Variants in PI4KA observed in about 807,000 individuals in gnomAD.
The protein encoded by PI4KA is phosphatidylinositol 4-kinase alpha.
A neutral mutation model predicts 271.4 loss-of-function variants in PI4KA; 122 were observed. The observed-to-expected ratio is 0.45, with a 90% CI of 0.39 to 0.52. The LOEUF is 0.52. Among genes scored for constraint, PI4KA ranks in the 20% least tolerant of loss-of-function variants. The probability of loss-of-function intolerance (pLI) is 0.00; values close to 1 mark genes in which losing one functional copy is unlikely to be tolerated. For missense variants in PI4KA, 1,969 were observed against 2,769.1 expected (o/e 0.71, Z 6.48); for synonymous variants, 1,041 against 1,078.8 (o/e 0.96, Z 0.69).
intron 23 of PI4KA, among the ~76,000 whole-genome samples, chr22:20,754,152 T>C (rs923593960): frequency 2.0e-5 from 3 of 152,160 alleles, no homozygotes; most frequent in Admixed American, 1.3e-4. Flanking sequence ...AATGGTGAGA[T>C]CATAGCTCAG....
At chr22:20,777,744 C>G (rs988815028) in intron 19 of PI4KA, among the ~76,000 whole-genome samples, 3 of 152,180 alleles carry the variant, frequency 2.0e-5, no homozygotes, top group Admixed American at 2.0e-4. Context: ...CCTGGCAAAA[C>G]ATGGAATCAT....
chr22:20,717,155 A>G lies in PI4KA; in HGVS notation c.5317+553T>C, dbSNP rs564679049. Among the ~76,000 whole-genome samples the G allele has an allele frequency of 6.6e-5, 10 of 152,348 alleles. 1 individual carries two copies. The highest frequency in any genetic ancestry group is 2.4e-4 in the African/African-American group (10 of 41,576). The stretch of plus-strand genomic sequence containing the variant: ...CAGCTACTCGGGAGGCTGAGGCGAC[A>G]CAGCGAAACTCCATCTCAAAAAAAC... On this transcript the variant is annotated intron_variant, in intron 45 of 54. Coordinates refer to ENST00000255882, the MANE Select transcript of PI4KA (RefSeq NM_058004.4).
chr22:20,777,490 T>A (rs1415410981), intron 19 of PI4KA, among the ~76,000 whole-genome samples: 1 of 152,170 alleles, frequency 6.6e-6, no homozygotes, highest in Non-Finnish European at 1.5e-5. Flanking sequence ...AGTGCTGGGA[T>A]TACTGACCTG....
Position 20,818,559 on chromosome 22 carries a change from A to G in PI4KA, c.790-10T>C, listed in dbSNP as rs373452888. The G allele has an allele frequency of 3.3e-4, 499 of 1,530,088 alleles. 1 individual carries two copies. Among genetic ancestry groups the G allele is most frequent in the Non-Finnish European group, 4.1e-4 (473 of 1,148,788 alleles). The allele number at this position is 1,530,088 out of a possible 1,614,324, so 94.8% of individuals were successfully genotyped here. A position where few individuals can be genotyped will look rare whatever the true frequency, so the allele number is the denominator to read the frequency against. Reference sequence around the variant, plus strand: ...CGCGTTCAGGGCTGACCTGAAACACACAACCACAGTTACATATCAGAAAAG... The same window carrying G: ...CGCGTTCAGGGCTGACCTGAAACACGCAACCACAGTTACATATCAGAAAAG... On this transcript the variant is annotated splice_polypyrimidine_tract_variant and intron_variant, in intron 6 of 54. Coordinates refer to ENST00000255882, the MANE Select transcript of PI4KA (RefSeq NM_058004.4).
At chr22:20,828,604 G>A (rs1396425617) in intron 3 of PI4KA, among the ~76,000 whole-genome samples, 1 of 152,046 alleles carries the variant, frequency 6.6e-6, no homozygotes, top group Non-Finnish European at 1.5e-5. Flanking sequence ...TGCCAGATTG[G>A]AGTGCGGTGG....
At position 20,798,647 on chromosome 22, in the gene PI4KA, A is replaced by T; in HGVS notation, c.2045T>A (p.Ile682Asn). 1 of 1,613,920 alleles carries T rather than the reference A, an allele frequency of 6.2e-7. No homozygotes were observed. The highest frequency in any genetic ancestry group is 8.5e-7 in the Non-Finnish European group (1 of 1,179,798). The part of the protein sequence containing the change: ...YQEVWNLFQQ[I>N]SVKASSVVYS... ...TACAACGGAGCTGGCCTTCACACTG[A>T]TCTGCTGGAAGAGGTTCCACACTTC... is the stretch of plus-strand genomic sequence containing the variant. The change falls in exon 17 of 55, where the codon ATC (isoleucine) becomes AAC (asparagine). Residue 682 changes from isoleucine (I) to asparagine (N), a missense_variant. By Grantham distance (149) the Ile-to-Asn change is moderately radical. Around this residue, in one of 13 missense-constraint regions of PI4KA, gnomAD observed 368 missense variants for 544.3 expected, o/e 0.68. Coordinates refer to ENST00000255882, the MANE Select transcript of PI4KA (RefSeq NM_058004.4).
chr22:20,787,638 C>T (rs192316527), intron 19 of PI4KA: 1 of 169,436 alleles, frequency 5.9e-6, no homozygotes, highest in Admixed American at 5.4e-5. Context: ...GTCCCTCCTG[C>T]TGTTGCCTCC....
intron 27 of PI4KA, among the ~76,000 whole-genome samples, chr22:20,750,707 C>T (rs1028361410): frequency 1.3e-5 from 2 of 152,232 alleles, no homozygotes; most frequent in Non-Finnish European, 2.9e-5. Context: ...CCATTGACAG[C>T]TGGTCTGGCA....
In PI4KA at chr22:20,758,456, T is replaced by C. The variant is rs954849962; in HGVS notation, c.2791+2848A>G. Among the ~76,000 whole-genome samples, 3 of 129,836 alleles carry C rather than the reference T, an allele frequency of 2.3e-5. No individual in the cohort carries two copies. In the Admixed American group the frequency reaches 2.5e-4, roughly 11 times the overall value. The allele number at this position is 129,836 out of a possible 152,430, so 85.2% of individuals were successfully genotyped here. A position where few individuals can be genotyped will look rare whatever the true frequency, so the allele number is the denominator to read the frequency against. On this transcript the variant is annotated intron_variant, in intron 23 of 54. Transcript: ENST00000255882. ...TTTTTTGTGTGTGATTTTTCTTTCTTTTCTTTTTTTTTTTTTTTTTTGCTC... is the reference window on the plus strand; with the variant it reads ...TTTTTTGTGTGTGATTTTTCTTTCTCTTCTTTTTTTTTTTTTTTTTTGCTC...
intron 3 of PI4KA, among the ~76,000 whole-genome samples, chr22:20,831,212 C>T (rs942232384): frequency 5.3e-5 from 8 of 151,880 alleles, no homozygotes; most frequent in Admixed American, 5.2e-4. Flanking sequence ...TTCTCCTTCA[C>T]TCATAAAGCT....
intron 44 of PI4KA, among the ~76,000 whole-genome samples, chr22:20,718,227 G>A (rs1926262047): frequency 6.6e-6 from 1 of 152,196 alleles, no homozygotes; most frequent in Non-Finnish European, 1.5e-5. Flanking sequence ...ATGACTCCAG[G>A]GTTTCATCCC....
At chr22:20,716,754 T>C (rs1176948702) in intron 45 of PI4KA, among the ~76,000 whole-genome samples, 6 of 152,204 alleles carry the variant, frequency 3.9e-5, no homozygotes, top group Non-Finnish European at 5.9e-5. Flanking sequence ...AGTTGTGGCC[T>C]TCCCGATGCG....
chr22:20,809,822 G>A (rs75979051), intron 9 of PI4KA, among the ~76,000 whole-genome samples: 44 of 152,270 alleles, frequency 2.9e-4, no homozygotes, highest in African/African-American at 9.9e-4. Flanking sequence ...ACTTAACCAA[G>A]AACCAACCCA....
In PI4KA at chr22:20,784,295, G is replaced by A. The variant is rs1036280911; in HGVS notation, c.2328+8898C>T. The A allele has an allele frequency of 3.7e-6, 6 of 1,609,550 alleles. 1 individual carries two copies. Among genetic ancestry groups the A allele is most frequent in the Non-Finnish European group, 5.1e-6 (6 of 1,176,116 alleles). On this transcript the variant is annotated intron_variant, in intron 19 of 54. Coordinates refer to ENST00000255882, the MANE Select transcript of PI4KA (RefSeq NM_058004.4). ...TTTTGAGCTCCCAGATGCTGGGGGT[G>A]TCTGGGAATACTGGAAAATGGATCA...
In PI4KA at chr22:20,721,352, T is replaced by C; in HGVS notation, c.5062A>G (p.Ile1688Val). ...TAAATGTTAGTCTTCATGTTCCAGA[T>C]GAACTGGTGTGCCAGAAGCTGGGAT... is the stretch of plus-strand genomic sequence containing the variant. ...SKSQLLAHQF[I>V]WNMKTNIYLD... is the part of the protein sequence containing the mutation. The change falls in exon 43 of 55, where the codon ATC becomes GTC. Residue 1688 changes from isoleucine (I) to valine (V), a missense_variant. Transcript: ENST00000255882. 6.2e-7 allele frequency: 1 copy of C among 1,613,894 alleles called. No homozygotes were observed. Among genetic ancestry groups the C allele is most frequent in the Non-Finnish European group, 8.5e-7 (1 of 1,179,828 alleles).
chr22:20,776,043 T>C (rs178032), intron 19 of PI4KA, among the ~76,000 whole-genome samples: 74,050 of 151,974 alleles, frequency 0.49, 18,566 homozygotes, highest in African/African-American at 0.59. Context: ...TTCTAGAGGC[T>C]GAGCATGGTA....
chr22:20,818,416 G>T, intron 7 of PI4KA, 67 bp downstream of exon 7: 1 of 1,218,158 alleles, frequency 8.2e-7, no homozygotes. Flanking sequence ...TTAATATCAC[G>T]AGAAGTCACT....
chr22:20,733,605 G>A, intron 35 of PI4KA, 131 bp downstream of exon 35: 1 of 1,401,926 alleles, frequency 7.1e-7, no homozygotes, highest in Non-Finnish European at 9.7e-7. Flanking sequence ...GGATACTGAA[G>A]GAGGAGGTTG....
At chr22:20,724,597 C>G (rs117928404) in intron 42 of PI4KA, among the ~76,000 whole-genome samples, 1 of 152,118 alleles carries the variant, frequency 6.6e-6, no homozygotes, top group African/African-American at 2.4e-5. Flanking sequence ...CAGAGCGAGA[C>G]TCTGTCTAAA....
Sources: gnomAD v4.1 joint callset for allele counts (sites outside exome capture counted in the v4.1 genomes callset) on GRCh38, gnomAD v4.1.1 for gene constraint, gnomAD v4.1.1 regional missense constraint, MANE v1.5 for transcripts, NCBI Gene and HGNC (gene_info 2026-07-23, HGNC 2026-07-21) for gene names.